The following SPOCK3 variants were observed in gnomAD, a reference collection of about 807,000 sequenced individuals.
SPOCK3 encodes testican-3.
SPOCK3 carries 30 observed loss-of-function variants against 56.6 expected under a neutral mutation model. That is an observed-to-expected ratio of 0.53 (90% confidence interval 0.40 to 0.72). SPOCK3 has a LOEUF of 0.72. Among genes scored for constraint, SPOCK3 ranks in the 30% least tolerant of loss-of-function variants. SPOCK3 has a pLI of 0.00. For missense variants in SPOCK3, 527 were observed against 530.0 expected (o/e 0.99, Z 0.06); for synonymous variants, 196 against 183.3 (o/e 1.07, Z -0.56).
intron 5 of SPOCK3, among the ~76,000 whole-genome samples, chr4:166,892,825 G>C (rs1734931059): frequency 6.6e-6 from 1 of 151,996 alleles, no homozygotes; most frequent in Non-Finnish European, 1.5e-5. Context: ...ACAGTCATTT[G>C]TTTAATAAGA....
intron 4 of SPOCK3, among the ~76,000 whole-genome samples, chr4:166,968,771 C>G (rs1745037047): frequency 6.6e-6 from 1 of 152,252 alleles, no homozygotes; most frequent in African/African-American, 2.4e-5. Context: ...AGAGCTCCCA[C>G]TGGGACAGTG....
Position 166,876,465 on chromosome 4 carries a change from A to T in SPOCK3, c.589+12665T>A, listed in dbSNP as rs181522757. On this transcript the variant is annotated intron_variant, in intron 6 of 10. Coordinates refer to ENST00000357545, the MANE Select transcript of SPOCK3 (RefSeq NM_001040159.2). ...CTGGGGAAAACAATCAGCATAAAAT[A>T]AATACACATAAAAGTAAAAGCAGAA... Among the ~76,000 whole-genome samples, 672 of 152,300 alleles carry T rather than the reference A, an allele frequency of 4.4e-3. 5 individuals carry two copies. The highest frequency in any genetic ancestry group is 0.015 in the African/African-American group (644 of 41,560).
intron 8 of SPOCK3, among the ~76,000 whole-genome samples, chr4:166,749,308 T>TA (rs1277795160): frequency 2.2e-5 from 3 of 135,012 alleles, no homozygotes; most frequent in East Asian, 3.9e-4. Context: ...TATGCAGCCA[T>TA]AAAAAAAGAT....
chr4:167,155,799 C>T (rs556560900), intron 2 of SPOCK3, among the ~76,000 whole-genome samples: 7 of 151,790 alleles, frequency 4.6e-5, no homozygotes, highest in South Asian at 4.2e-4. Flanking sequence ...AAATACTATC[C>T]GAGCCACATA....
chr4:167,023,248 C>T (rs1751369917), intron 3 of SPOCK3, among the ~76,000 whole-genome samples: 1 of 151,804 alleles, frequency 6.6e-6, no homozygotes, highest in South Asian at 2.1e-4. Flanking sequence ...ATCCAAAATG[C>T]ATCTCCCTGG....
At chr4:166,742,184 G>T (rs1734915169) in intron 8 of SPOCK3, 125 bp from the exon 9 acceptor site, 1 of 645,376 alleles carries the variant, frequency 1.5e-6, no homozygotes, top group African/African-American at 1.8e-5. Context: ...ATATTAATTG[G>T]TTTACTTATA....
At chr4:166,738,781 G>T (rs895611689) in intron 9 of SPOCK3, among the ~76,000 whole-genome samples, 3 of 151,412 alleles carry the variant, frequency 2.0e-5, no homozygotes, top group Admixed American at 6.6e-5. Flanking sequence ...CATCCATGTC[G>T]CTATAAAGGA....
intron 2 of SPOCK3, among the ~76,000 whole-genome samples, chr4:167,166,372 T>C (rs1422683212): frequency 6.6e-6 from 1 of 152,106 alleles, no homozygotes; most frequent in Non-Finnish European, 1.5e-5. Flanking sequence ...ACATACATTT[T>C]TTTTTCTTAC....
intron 5 of SPOCK3, among the ~76,000 whole-genome samples, chr4:166,892,588 A>G (rs935817375): frequency 6.6e-6 from 1 of 152,136 alleles, no homozygotes; most frequent in Non-Finnish European, 1.5e-5. Flanking sequence ...TTACTTAATT[A>G]CCACGAAGCT....
intron 6 of SPOCK3, among the ~76,000 whole-genome samples, chr4:166,829,768 C>T (rs1745843904): frequency 6.6e-6 from 1 of 151,964 alleles, no homozygotes; most frequent in Admixed American, 6.6e-5. Context: ...TATCATAACA[C>T]GTGGGCAAGA....
At chr4:166,956,045 G>A (rs1331408687) in intron 4 of SPOCK3, among the ~76,000 whole-genome samples, 1 of 151,974 alleles carries the variant, frequency 6.6e-6, no homozygotes, top group Non-Finnish European at 1.5e-5. Context: ...TATCCATATA[G>A]AAGATACTTT....
intron 5 of SPOCK3, among the ~76,000 whole-genome samples, chr4:166,909,993 G>A (rs1316852415): frequency 1.3e-5 from 2 of 151,520 alleles, no homozygotes; most frequent in African/African-American, 4.8e-5. Flanking sequence ...TTATGAGGGG[G>A]GAACAAAAAA....
intron 2 of SPOCK3, among the ~76,000 whole-genome samples, chr4:167,105,145 T>C (rs1171737091): frequency 1.3e-5 from 2 of 151,914 alleles, no homozygotes; most frequent in African/African-American, 4.8e-5. Context: ...AATCACAGAA[T>C]ATTATAACAC....
At chr4:167,030,779 T>C (rs958167044) in intron 3 of SPOCK3, among the ~76,000 whole-genome samples, 5 of 152,036 alleles carry the variant, frequency 3.3e-5, no homozygotes, top group African/African-American at 1.2e-4. Context: ...AATCCTACCT[T>C]ACTCATGTTT....
intron 7 of SPOCK3, among the ~76,000 whole-genome samples, chr4:166,779,219 A>G (rs867550250): frequency 3.9e-5 from 6 of 152,150 alleles, no homozygotes; most frequent in Admixed American, 1.3e-4. Context: ...TTCCATATTC[A>G]TAAGGTCTGG....
chr4:167,036,316 A>G (rs1485930581), intron 3 of SPOCK3, among the ~76,000 whole-genome samples: 1 of 152,156 alleles, frequency 6.6e-6, no homozygotes, highest in Non-Finnish European at 1.5e-5. Context: ...GAAGTAAAAA[A>G]ACACCCAAAG....
chr4:166,878,949 C>G (rs898822452), intron 6 of SPOCK3, among the ~76,000 whole-genome samples: 6 of 152,056 alleles, frequency 3.9e-5, no homozygotes, highest in Admixed American at 3.9e-4. Context: ...ATACATGCAG[C>G]TAAAGGAGTG....
At position 167,082,881 on chromosome 4, in the gene SPOCK3, A is replaced by G. The variant is rs192851861; in HGVS notation, c.190-20344T>C. Among the ~76,000 whole-genome samples the G allele has an allele frequency of 2.7e-5, 4 of 150,346 alleles. No individual in the cohort carries two copies. The East Asian group carries it at 8.0e-4, about 30-fold the overall frequency. On this transcript the variant is annotated intron_variant, in intron 2 of 10. Coordinates refer to ENST00000357545, the MANE Select transcript of SPOCK3 (RefSeq NM_001040159.2). ...GGTGAGAGAGTAATAAAGAGAGAGA[A>G]TGGGTATGAGAGAGAGAGAAAGAGA... is the stretch of plus-strand genomic sequence containing the variant.
chr4:166,827,738 C>T (rs1253562341), intron 6 of SPOCK3, among the ~76,000 whole-genome samples: 1 of 151,884 alleles, frequency 6.6e-6, no homozygotes, highest in Non-Finnish European at 1.5e-5. Flanking sequence ...TTTGCTGAAA[C>T]CAAGTGTGTT....
Sources: allele counts gnomAD v4.1 joint callset (sites outside exome capture counted in the v4.1 genomes callset), GRCh38; gene constraint gnomAD v4.1.1; transcripts MANE v1.5; gene names NCBI Gene and HGNC (gene_info 2026-07-23, HGNC 2026-07-21).